The following PRKG1 variants were observed in gnomAD, a reference collection of about 807,000 sequenced individuals.
The protein encoded by PRKG1 is protein kinase cGMP-dependent 1, also known as cGMP-dependent protein kinase 1.
In PRKG1, 35 loss-of-function variants were observed where a neutral mutation model predicts 88.1. That is an observed-to-expected ratio of 0.40 (90% CI 0.30 to 0.53). PRKG1 has a LOEUF of 0.53. Ranked by LOEUF, PRKG1 falls within the 20% of genes least tolerant of loss-of-function variation. The probability of loss-of-function intolerance (pLI) is 0.59; values close to 1 mark genes in which losing one functional copy is unlikely to be tolerated. For missense variants in PRKG1, 540 were observed against 839.8 expected, an observed-to-expected ratio of 0.64 and a Z score of 4.41; for synonymous variants, 303 against 292.5, an observed-to-expected ratio of 1.04 and a Z score of -0.37.
intron 5 of PRKG1, among the ~76,000 whole-genome samples, chr10:51,912,997 C>T (rs1842254783): frequency 1.3e-5 from 2 of 152,246 alleles, no homozygotes; most frequent in East Asian, 1.9e-4. Flanking sequence ...GGTGCGATCT[C>T]AGCTCACTGC....
chr10:51,159,010 T>TA (rs1363979564), intron 2 of PRKG1, among the ~76,000 whole-genome samples: 1 of 152,084 alleles, frequency 6.6e-6, no homozygotes, highest in Non-Finnish European at 1.5e-5. Flanking sequence ...AGTTGGTTGA[T>TA]ACAGTGTGGT....
chr10:51,250,892 G>A (rs931265151), intron 2 of PRKG1, among the ~76,000 whole-genome samples: 4 of 151,724 alleles, frequency 2.6e-5, no homozygotes, highest in Non-Finnish European at 4.4e-5. Flanking sequence ...TGTTGGTAGT[G>A]TTACTGTTAT....
intron 3 of PRKG1, among the ~76,000 whole-genome samples, chr10:51,505,877 C>A (rs1354433391): frequency 1.3e-5 from 2 of 152,050 alleles, no homozygotes; most frequent in East Asian, 1.9e-4. Flanking sequence ...CTTTATTAGT[C>A]TTGCTAGCGG....
chr10:51,739,578 A>G (rs1472869430), intron 3 of PRKG1, among the ~76,000 whole-genome samples: 2 of 152,206 alleles, frequency 1.3e-5, no homozygotes, highest in Non-Finnish European at 2.9e-5. Context: ...CAGCTAGAAG[A>G]AGAAAGGAGG....
intron 5 of PRKG1, among the ~76,000 whole-genome samples, chr10:51,979,416 T>TTTTTG (rs1843940518): frequency 7.4e-6 from 1 of 134,240 alleles, no homozygotes; most frequent in Non-Finnish European, 1.6e-5. Flanking sequence ...GTCTGTTTTT[T>TTTTTG]TTTTTTTTTT....
At chr10:51,898,983 T>G (rs1404197918) in intron 4 of PRKG1, among the ~76,000 whole-genome samples, 1 of 152,126 alleles carries the variant, frequency 6.6e-6, no homozygotes, top group African/African-American at 2.4e-5. Context: ...AGAAAAAACA[T>G]AAGACTAATA....
At chr10:51,054,946 C>G (rs1458101647) in intron 1 of PRKG1, among the ~76,000 whole-genome samples, 2 of 152,096 alleles carry the variant, frequency 1.3e-5, no homozygotes, top group East Asian at 1.9e-4. Flanking sequence ...GTATAAGGCA[C>G]TATAATAATA....
intron 4 of PRKG1, among the ~76,000 whole-genome samples, chr10:51,896,552 T>G (rs1225173302): frequency 8.7e-6 from 1 of 114,956 alleles, no homozygotes; most frequent in African/African-American, 3.5e-5. Flanking sequence ...TACAAAAAAA[T>G]AAAATAAAAA....
intron 7 of PRKG1, among the ~76,000 whole-genome samples, chr10:52,131,185 A>G (rs1166477738): frequency 6.6e-6 from 1 of 152,166 alleles, no homozygotes; most frequent in African/African-American, 2.4e-5. Context: ...TGCTTTAAAC[A>G]CTAAGCATGT....
At chr10:51,191,786 A>G (rs1837637912) in intron 2 of PRKG1, among the ~76,000 whole-genome samples, 1 of 151,852 alleles carries the variant, frequency 6.6e-6, no homozygotes, top group African/African-American at 2.4e-5. Flanking sequence ...ACAGTGCCTT[A>G]ACTCAATCTT....
At chr10:51,891,210 A>G (rs777584866) in intron 4 of PRKG1, among the ~76,000 whole-genome samples, 2 of 152,138 alleles carry the variant, frequency 1.3e-5, no homozygotes, top group Non-Finnish European at 2.9e-5. Context: ...GCTACAGTGA[A>G]CTATGATCAT....
chr10:51,980,832 T>A (rs1419860572), intron 5 of PRKG1, among the ~76,000 whole-genome samples: 2 of 152,158 alleles, frequency 1.3e-5, no homozygotes, highest in East Asian at 3.8e-4. Flanking sequence ...TCCATTTGCT[T>A]GCTAGATTTT....
intron 2 of PRKG1, among the ~76,000 whole-genome samples, chr10:51,452,051 A>T (rs1839452795): frequency 1.3e-5 from 2 of 151,970 alleles, no homozygotes; most frequent in African/African-American, 4.8e-5. Flanking sequence ...TAACAACTTT[A>T]TTGAGATATA....
intron 2 of PRKG1, among the ~76,000 whole-genome samples, chr10:51,227,028 G>A (rs1234808316): frequency 2.0e-5 from 3 of 150,722 alleles, no homozygotes; most frequent in Admixed American, 6.6e-5. Context: ...TGGAGGATAA[G>A]TAGATAATAT....
chr10:52,256,309 C>T (rs1296027509), intron 10 of PRKG1, among the ~76,000 whole-genome samples: 1 of 138,716 alleles, frequency 7.2e-6, no homozygotes, highest in Admixed American at 7.6e-5. Context: ...CTCAGAGGCT[C>T]CCCTTTCTCT....
At chr10:51,141,731 C>T (rs76938198) in intron 1 of PRKG1, among the ~76,000 whole-genome samples, 4,359 of 152,042 alleles carry the variant, frequency 0.029, 85 homozygotes, top group Middle Eastern at 0.055. Context: ...TGTCTCATGC[C>T]GTGAAAATCT....
At chr10:51,435,272 G>T (rs529178098) in intron 2 of PRKG1, among the ~76,000 whole-genome samples, 1 of 151,944 alleles carries the variant, frequency 6.6e-6, no homozygotes, top group Admixed American at 6.6e-5. Flanking sequence ...GTTTTATAAC[G>T]GATTGATCTT....
In PRKG1 at chr10:51,565,668, C is replaced by T. The variant is rs376662077; in HGVS notation, c.592+97832C>T. ...AACTAATTGTAGCCATTTTATCTAG[C>T]AGGTTCCAAAATTACCCTTGAAACT... On this transcript the variant is annotated intron_variant, in intron 3 of 17. Coordinates refer to ENST00000373980, the MANE Select transcript of PRKG1 (RefSeq NM_006258.4). Among the ~76,000 whole-genome samples, 9 of 152,164 alleles carry T rather than the reference C, an allele frequency of 5.9e-5. No homozygotes were observed. The South Asian group carries it at 1.0e-3, about 18-fold the overall frequency.
chr10:51,074,322 A>T, upstream of PRKG1: 1 of 579,290 alleles, frequency 1.7e-6, no homozygotes, highest in Non-Finnish European at 2.6e-6. Flanking sequence ...ACCGCGTCTC[A>T]GGTTTAATCC....
Sources: allele counts gnomAD v4.1 joint callset (sites outside exome capture counted in the v4.1 genomes callset), GRCh38; gene constraint gnomAD v4.1.1; transcripts MANE v1.5; gene names NCBI Gene and HGNC (gene_info 2026-07-23, HGNC 2026-07-21).